FGD5: variants seen among roughly 807,000 people sequenced by gnomAD.
FGD5 encodes the protein FYVE, RhoGEF and PH domain-containing protein 5.
FGD5 carries 28 observed loss-of-function variants against 133.4 expected under a neutral mutation model. That is an observed-to-expected ratio of 0.21 (90% CI 0.16 to 0.29). The LOEUF (loss-of-function observed/expected upper bound fraction) is 0.29, where lower values mean the gene tolerates loss of function less well. Among genes scored for constraint, FGD5 ranks in the 10% least tolerant of loss-of-function variants. The pLI is 1.00. For synonymous variants in FGD5, 810 were observed against 776.5 expected, an observed-to-expected ratio of 1.04 and a Z score of -0.72; for missense variants, 1,858 against 1,895.2, an observed-to-expected ratio of 0.98 and a Z score of 0.36.
intron 1 of FGD5, among the ~76,000 whole-genome samples, chr3:14,826,558 C>T (rs1238878789): frequency 1.3e-5 from 2 of 152,192 alleles, no homozygotes; most frequent in African/African-American, 2.4e-5. Context: ...TAAAAGGAGA[C>T]GATCATTGTA....
At chr3:14,875,289 G>A (rs945919029) in intron 2 of FGD5, among the ~76,000 whole-genome samples, 1 of 151,866 alleles carries the variant, frequency 6.6e-6, no homozygotes, top group African/African-American at 2.4e-5. Flanking sequence ...CATGGAAGGT[G>A]GCCCCTTCCT....
Position 14,821,435 on chromosome 3 carries a change from G to C in FGD5, c.2364G>C (p.Gln788His), listed in dbSNP as rs1215149657. 1.2e-6 allele frequency: 2 copies of C among 1,613,890 alleles called. No individual in the cohort carries two copies. Among genetic ancestry groups the C allele is most frequent in the Non-Finnish European group, 1.7e-6 (2 of 1,179,898 alleles). ...TGAACTCGGACTATGAGAATATCCA[G>C]ATTCCACCCCGGAGACCTGCCAGGG... is the stretch of plus-strand genomic sequence containing the variant. ...PAMNSDYENIQIPPRRPARAG... is the reference protein window; with the variant it reads ...PAMNSDYENIHIPPRRPARAG... The change falls in exon 1 of 20, where the codon CAG becomes CAC. Residue 788 changes from glutamine (Q) to histidine (H), a missense_variant. Coordinates refer to ENST00000285046, the MANE Select transcript of FGD5 (RefSeq NM_152536.4).
intron 1 of FGD5, among the ~76,000 whole-genome samples, chr3:14,831,234 G>T (rs1207100736): frequency 2.0e-5 from 3 of 152,204 alleles, no homozygotes; most frequent in Non-Finnish European, 4.4e-5. Flanking sequence ...CAGGGACCTT[G>T]TGAAAGATTT....
intron 4 of FGD5, among the ~76,000 whole-genome samples, chr3:14,892,377 A>G (rs2038046562): frequency 1.3e-5 from 2 of 151,632 alleles, no homozygotes; most frequent in South Asian, 4.2e-4. Context: ...AATTTTTTAT[A>G]TTTTTGGCAG....
At chr3:14,874,690 G>C (rs939354718) in intron 2 of FGD5, among the ~76,000 whole-genome samples, 1 of 152,222 alleles carries the variant, frequency 6.6e-6, no homozygotes, top group East Asian at 1.9e-4. Context: ...GTCAGGAGTA[G>C]AAATCAGGCC....
intron 11 of FGD5, among the ~76,000 whole-genome samples, chr3:14,916,959 A>G (rs772287251): frequency 2.6e-5 from 4 of 152,242 alleles, no homozygotes; most frequent in Non-Finnish European, 5.9e-5. Context: ...TCACCTGCAG[A>G]TAGACATTGG....
intron 1 of FGD5, among the ~76,000 whole-genome samples, chr3:14,823,608 C>A (rs1025154333): frequency 1.3e-5 from 2 of 152,206 alleles, no homozygotes; most frequent in African/African-American, 4.8e-5. Flanking sequence ...AAGGCACTTG[C>A]GTAAGATCTC....
chr3:14,826,290 C>T (rs1421085491), intron 1 of FGD5, among the ~76,000 whole-genome samples: 1 of 152,086 alleles, frequency 6.6e-6, no homozygotes, highest in African/African-American at 2.4e-5. Context: ...TCCCTCTCTC[C>T]CTCTCCTCTT....
intron 1 of FGD5, among the ~76,000 whole-genome samples, chr3:14,857,887 A>G (rs35462537): frequency 0.51 from 77,579 of 151,762 alleles, 20,138 homozygotes; most frequent in African/African-American, 0.55. Flanking sequence ...CCTCTAAATA[A>G]TCTATACCTA....
At chr3:14,910,358 A>G (rs755227106) in intron 10 of FGD5, among the ~76,000 whole-genome samples, 5 of 152,200 alleles carry the variant, frequency 3.3e-5, no homozygotes, top group Non-Finnish European at 7.3e-5. Context: ...ATAACAGGGT[A>G]ATAATTCCAC....
chr3:14,821,444 C>G lies in FGD5; in HGVS notation c.2373C>G (p.Pro791=). 2 of 1,614,012 alleles carry G rather than the reference C, an allele frequency of 1.2e-6. No homozygotes were observed. The highest frequency in any genetic ancestry group is 1.7e-6 in the Non-Finnish European group (2 of 1,179,908). The change falls in exon 1 of 20, where the codon CCC becomes CCG. Residue 791 remains proline (P), a synonymous_variant. Coordinates refer to ENST00000285046, the MANE Select transcript of FGD5 (RefSeq NM_152536.4). ...NSDYENIQIP[P]RRPARAGAFT... ...ACTATGAGAATATCCAGATTCCACC[C>G]CGGAGACCTGCCAGGGCTGGCGCGT... is the stretch of plus-strand genomic sequence containing the variant.
chr3:14,911,191 C>A (rs1448379872), intron 11 of FGD5, among the ~76,000 whole-genome samples: 1 of 152,162 alleles, frequency 6.6e-6, no homozygotes, highest in Non-Finnish European at 1.5e-5. Context: ...TGTCAACCAC[C>A]TTATCTAATG....
rs1395851322 is a variant in FGD5, at chr3:14,820,778, A to G, written c.1707A>G (p.Ser569=). The change falls in exon 1 of 20, where the codon TCA becomes TCG. Residue 569 remains serine, a synonymous_variant. Coordinates refer to ENST00000285046, the MANE Select transcript of FGD5 (RefSeq NM_152536.4). ...PVSVYQEPEG[S]GLDDHRIKRK... is the part of the protein sequence containing the mutation. ...CCGTGTACCAGGAGCCTGAGGGGTC[A>G]GGGTTGGATGACCACAGGATAAAGA... 22 of 1,613,738 alleles carry G rather than the reference A, an allele frequency of 1.4e-5. No homozygotes were observed. The highest frequency in any genetic ancestry group is 1.9e-5 in the Non-Finnish European group (22 of 1,179,800).
chr3:14,824,476 A>T (rs1297759782), intron 1 of FGD5, among the ~76,000 whole-genome samples: 1 of 152,170 alleles, frequency 6.6e-6, no homozygotes, highest in Non-Finnish European at 1.5e-5. Flanking sequence ...TAGTGTGAGG[A>T]TTAGAGGCAG....
rs961456292 is a variant in FGD5, at chr3:14,933,899, G to T, written c.*732G>T. 2.0e-5 allele frequency: 3 copies of T among 152,242 alleles called. No homozygotes were observed. Among genetic ancestry groups the T allele is most frequent in the African/African-American group, 7.2e-5 (3 of 41,438 alleles). The allele number at this position is 152,242 out of a possible 1,614,324, so 9.4% of individuals were successfully genotyped here. On this transcript the variant is annotated 3_prime_UTR_variant, in exon 20 of 20. Coordinates refer to ENST00000285046, the MANE Select transcript of FGD5 (RefSeq NM_152536.4). ...ATACTAACATAACTTATTAAAGGAG[G>T]GGTCCCTCCTCCCCCAGAGCAGTCC...
At position 14,819,786 on chromosome 3, in the gene FGD5, A is replaced by C; in HGVS notation, c.715A>C (p.Thr239Pro). The change falls in exon 1 of 20, where the codon ACG (threonine) becomes CCG (proline). Residue 239 changes from threonine (T) to proline (P), a missense_variant. Physicochemically the swap from Thr to Pro is conservative, Grantham distance 38. Around this residue, in one of 3 missense-constraint regions of FGD5, gnomAD observed 1,824 missense variants for 1,848.9 expected, o/e 0.99. Coordinates refer to ENST00000285046, the MANE Select transcript of FGD5 (RefSeq NM_152536.4). This position sits in a 1 kb window ranked among gnomAD's most constrained non-coding sequence, Gnocchi z 4.1. ...TGAGGGTTCGGGTCCTGACAGGCCC[A>C]CGGAGGACATGGGACAGGATGCTGA... ...ADEGSGPDRPTEDMGQDAEDT... is the reference protein window; with the variant it reads ...ADEGSGPDRPPEDMGQDAEDT... 3 of 1,564,142 alleles carry C rather than the reference A, an allele frequency of 1.9e-6. No homozygotes were observed. Among genetic ancestry groups the C allele is most frequent in the Non-Finnish European group, 2.6e-6 (3 of 1,154,426 alleles).
At chr3:14,870,301 C>T (rs1687290) in intron 2 of FGD5, among the ~76,000 whole-genome samples, 21,878 of 152,122 alleles carry the variant, frequency 0.14, 1,901 homozygotes, top group East Asian at 0.39. Flanking sequence ...AGAAGGGGAG[C>T]GGGAGCTGGA....
chr3:14,838,592 A>T (rs2036861876), intron 1 of FGD5, among the ~76,000 whole-genome samples: 1 of 152,188 alleles, frequency 6.6e-6, no homozygotes, highest in South Asian at 2.1e-4. Context: ...GCATCAGCTC[A>T]ACAAATCTTA....
chr3:14,901,662 G>T (rs1254334303), intron 9 of FGD5, among the ~76,000 whole-genome samples: 1 of 152,238 alleles, frequency 6.6e-6, no homozygotes, highest in East Asian at 1.9e-4. Flanking sequence ...CACTGGAAAA[G>T]AGTTCAGTGA....
Sources: gnomAD v4.1 joint callset for allele counts (sites outside exome capture counted in the v4.1 genomes callset) on GRCh38, gnomAD v4.1.1 for gene constraint, gnomAD v4.1.1 regional missense constraint, Gnocchi (gnomAD v3.1) non-coding constraint, MANE v1.5 for transcripts, NCBI Gene and HGNC (gene_info 2026-07-23, HGNC 2026-07-21) for gene names.